The following MAGI2 variants were observed in gnomAD, a reference collection of about 807,000 sequenced individuals.
MAGI2 encodes the protein membrane associated guanylate kinase, WW and PDZ domain containing 2.
A neutral mutation model predicts 133.3 loss-of-function variants in MAGI2; 35 were observed. The ratio of observed to expected loss-of-function variants is 0.26; its 90% confidence interval spans 0.20 to 0.35. The LOEUF (loss-of-function observed/expected upper bound fraction) is 0.35, where lower values mean the gene tolerates loss of function less well. MAGI2 is among the 10% of genes least tolerant of loss of function. The pLI, the probability that MAGI2 is intolerant of heterozygous loss-of-function variation, is 1.00. For missense variants in MAGI2, 1,636 were observed against 1,863.4 expected (o/e 0.88, Z 2.25); for synonymous variants, 729 against 710.6 (o/e 1.03, Z -0.41).
chr7:78,446,364 A>G (rs1440368120), intron 6 of MAGI2, among the ~76,000 whole-genome samples: 6 of 152,056 alleles, frequency 3.9e-5, no homozygotes, highest in African/African-American at 1.4e-4. Flanking sequence ...GGGACTTTCA[A>G]TGGTAATCAA....
At chr7:78,302,371 C>T (rs140502596) in intron 9 of MAGI2, among the ~76,000 whole-genome samples, 4 of 152,236 alleles carry the variant, frequency 2.6e-5, no homozygotes, top group South Asian at 2.1e-4. Context: ...GGGAATATAA[C>T]GTGGTCACCG....
At chr7:78,547,171 C>T (rs912461156) in intron 3 of MAGI2, among the ~76,000 whole-genome samples, 2 of 152,130 alleles carry the variant, frequency 1.3e-5, no homozygotes, top group African/African-American at 4.8e-5. Context: ...CACCAAACTT[C>T]CAGATAAAGA....
chr7:78,991,789 G>A (rs1411909338), intron 2 of MAGI2, among the ~76,000 whole-genome samples: 3 of 151,948 alleles, frequency 2.0e-5, no homozygotes, highest in Admixed American at 2.0e-4. Flanking sequence ...TTTGCTCAAA[G>A]ATGCTGGAGA....
chr7:79,369,987 G>C (rs190090470), intron 1 of MAGI2, among the ~76,000 whole-genome samples: 18 of 151,970 alleles, frequency 1.2e-4, no homozygotes, highest in African/African-American at 4.3e-4. Context: ...CTGTTTCTCT[G>C]TGGCTACATT....
At chr7:78,193,137 G>C (rs1828397897) in intron 12 of MAGI2, among the ~76,000 whole-genome samples, 1 of 152,136 alleles carries the variant, frequency 6.6e-6, no homozygotes, top group Non-Finnish European at 1.5e-5. Flanking sequence ...AGGGCACAAT[G>C]GTATCAGACA....
chr7:78,539,379 G>A (rs1311072352), intron 3 of MAGI2, among the ~76,000 whole-genome samples: 1 of 151,850 alleles, frequency 6.6e-6, no homozygotes, highest in Non-Finnish European at 1.5e-5. Context: ...TGATCTTGGT[G>A]GATTACCTTT....
At chr7:79,443,214 G>A (rs909903066) in intron 1 of MAGI2, among the ~76,000 whole-genome samples, 4 of 151,950 alleles carry the variant, frequency 2.6e-5, no homozygotes, top group Admixed American at 2.6e-4. Flanking sequence ...GGAGGTCTCT[G>A]TGAGCAGAGA....
Position 78,195,023 on chromosome 7 carries a change from C to T in MAGI2, c.2120G>A (p.Ser707Asn). The change falls in exon 12 of 22, where the codon AGT becomes AAT. Residue 707 changes from serine (S) to asparagine (N), a missense_variant. Transcript: ENST00000354212. ...RWENQGSPQT[S>N]LSAPAIPQNL... The stretch of plus-strand genomic sequence containing the variant: ...CTGCGGTATGGCCGGAGCAGATAAA[C>T]TCGTTTGAGGACTGCCTTGATTCTC... The T allele has an allele frequency of 6.2e-7, 1 of 1,613,294 alleles. No homozygotes were observed. The highest frequency in any genetic ancestry group is 2.2e-5 in the East Asian group (1 of 44,822).
At chr7:78,399,873 C>T (rs561727047) in intron 6 of MAGI2, among the ~76,000 whole-genome samples, 2 of 148,356 alleles carry the variant, frequency 1.3e-5, no homozygotes, top group East Asian at 2.0e-4. Flanking sequence ...ATGAACACAG[C>T]TCAATCACTG....
chr7:78,496,392 A>G (rs888081737), intron 5 of MAGI2, among the ~76,000 whole-genome samples: 1 of 152,148 alleles, frequency 6.6e-6, no homozygotes, highest in South Asian at 2.1e-4. Flanking sequence ...TGCCAAAGCA[A>G]TAGCAGTCTC....
intron 2 of MAGI2, among the ~76,000 whole-genome samples, chr7:78,982,118 A>G (rs1372197743): frequency 6.6e-6 from 1 of 151,842 alleles, no homozygotes; most frequent in African/African-American, 2.4e-5. Context: ...TATCCTCCCA[A>G]GCTGCTATAT....
At chr7:78,936,037 C>T (rs1178762483) in intron 2 of MAGI2, among the ~76,000 whole-genome samples, 1 of 152,024 alleles carries the variant, frequency 6.6e-6, no homozygotes, top group Non-Finnish European at 1.5e-5. Context: ...TTACAAGTTT[C>T]CTCAGTTGAA....
At chr7:78,336,308 A>T (rs958747092) in intron 9 of MAGI2, among the ~76,000 whole-genome samples, 4 of 152,192 alleles carry the variant, frequency 2.6e-5, no homozygotes, top group Non-Finnish European at 5.9e-5. Flanking sequence ...AAAGCTCTCC[A>T]AATGGTTCTG....
At chr7:79,334,098 G>A (rs541610593) in intron 1 of MAGI2, among the ~76,000 whole-genome samples, 1 of 152,250 alleles carries the variant, frequency 6.6e-6, no homozygotes, top group Admixed American at 6.5e-5. Flanking sequence ...ACACCTTTGA[G>A]AGGCAGCTGT....
chr7:79,350,967 A>G (rs1585669302), intron 1 of MAGI2, among the ~76,000 whole-genome samples: 1 of 152,140 alleles, frequency 6.6e-6, no homozygotes, highest in East Asian at 1.9e-4. Context: ...GTTCTAGAAT[A>G]TTAATTTATT....
At chr7:79,145,197 AT>A (rs1481358550) in intron 1 of MAGI2, among the ~76,000 whole-genome samples, 1 of 152,020 alleles carries the variant, frequency 6.6e-6, no homozygotes. Flanking sequence ...TTAAGAAACA[AT>A]TTTTTCCTAC....
intron 2 of MAGI2, among the ~76,000 whole-genome samples, chr7:78,887,484 G>C: frequency 6.6e-6 from 1 of 152,262 alleles, no homozygotes; most frequent in East Asian, 1.9e-4. Flanking sequence ...AAAGTTTGAG[G>C]TTCACTGGTA....
intron 10 of MAGI2, among the ~76,000 whole-genome samples, chr7:78,246,732 C>T (rs1471564056): frequency 1.3e-5 from 2 of 152,192 alleles, no homozygotes; most frequent in South Asian, 2.1e-4. Flanking sequence ...GTGTCTCATC[C>T]CCCACGATCT....
intron 1 of MAGI2, among the ~76,000 whole-genome samples, chr7:79,430,495 A>G (rs1455293492): frequency 6.6e-6 from 1 of 152,194 alleles, no homozygotes; most frequent in African/African-American, 2.4e-5. Context: ...TAAAGCTACT[A>G]AAGAAACATG....
Sources: allele counts gnomAD v4.1 joint callset (sites outside exome capture counted in the v4.1 genomes callset), GRCh38; gene constraint gnomAD v4.1.1; transcripts MANE v1.5; gene names NCBI Gene and HGNC (gene_info 2026-07-23, HGNC 2026-07-21).